PGBD5: variants seen among roughly 807,000 people sequenced by gnomAD.
PGBD5 encodes the protein piggyBac transposable element-derived protein 5.
In PGBD5, 14 loss-of-function variants were observed where a neutral mutation model predicts 47.9. That is an observed-to-expected ratio of 0.29 (90% CI 0.19 to 0.46). The LOEUF (loss-of-function observed/expected upper bound fraction) is 0.46, where lower values mean the gene tolerates loss of function less well. Among genes scored for constraint, PGBD5 ranks in the 20% least tolerant of loss-of-function variants. The pLI is 1.00. For synonymous variants in PGBD5, 316 were observed against 306.3 expected (o/e 1.03, Z -0.33); for missense variants, 635 against 716.0 (o/e 0.89, Z 1.29).
At chr1:230,406,791 T>C (rs1421418067) in intron 1 of PGBD5, among the ~76,000 whole-genome samples, 1 of 152,248 alleles carries the variant, frequency 6.6e-6, no homozygotes, top group African/African-American at 2.4e-5. Flanking sequence ...AACTCAACTA[T>C]ACCACGTTAA....
At position 230,314,731 on chromosome 1, in the gene PGBD5, T is replaced by A. The variant is rs1666911316; in HGVS notation, c.*8694A>T. ...AAGTGAAAATCTTCACAGAAGGGTATGCTTTGTGTCACCAAATGGGGGTGC... is the reference window on the plus strand; with the variant it reads ...AAGTGAAAATCTTCACAGAAGGGTAAGCTTTGTGTCACCAAATGGGGGTGC... On this transcript the variant is annotated 3_prime_UTR_variant, in exon 7 of 7. Coordinates refer to ENST00000391860, the MANE Select transcript of PGBD5 (RefSeq NM_001258311.2). 6.6e-6 allele frequency: 1 copy of A among 152,142 alleles called. No individual in the cohort carries two copies. Among genetic ancestry groups the A allele is most frequent in the South Asian group, 2.1e-4 (1 of 4,824 alleles). 9.4% of individuals were successfully genotyped at this position (152,142 alleles called of 1,614,324 possible).
chr1:230,372,789 G>C (rs934420237), intron 1 of PGBD5, among the ~76,000 whole-genome samples: 5 of 152,202 alleles, frequency 3.3e-5, no homozygotes, highest in African/African-American at 1.2e-4. Context: ...TGATGTGTGA[G>C]TCCCTTCAGA....
intron 1 of PGBD5, among the ~76,000 whole-genome samples, chr1:230,390,864 C>T (rs1656765332): frequency 6.6e-6 from 1 of 152,050 alleles, no homozygotes; most frequent in African/African-American, 2.4e-5. Flanking sequence ...CTCAGCCTCC[C>T]GAATAGCTAG....
chr1:230,368,785 G>A (rs903804673), intron 1 of PGBD5, among the ~76,000 whole-genome samples: 10 of 94,988 alleles, frequency 1.1e-4, no homozygotes, highest in Admixed American at 4.1e-4. Flanking sequence ...TGGTGAGGCC[G>A]GGGAAACGTG....
chr1:230,367,014 G>A (rs1383476664), intron 1 of PGBD5, among the ~76,000 whole-genome samples: 1 of 152,044 alleles, frequency 6.6e-6, no homozygotes, highest in Non-Finnish European at 1.5e-5. Context: ...GGAGGAAGGT[G>A]GGGGTGAGGA....
intron 3 of PGBD5, among the ~76,000 whole-genome samples, chr1:230,341,536 A>G (rs1351201241): frequency 6.6e-6 from 1 of 152,192 alleles, no homozygotes; most frequent in African/African-American, 2.4e-5. Context: ...AAACAGCAGA[A>G]TCACTGGGAA....
intron 1 of PGBD5, among the ~76,000 whole-genome samples, chr1:230,392,935 G>T (rs538546123): frequency 5.3e-5 from 8 of 151,930 alleles, no homozygotes; most frequent in African/African-American, 1.9e-4. Flanking sequence ...TGCAAGAGAA[G>T]AGGAACTGGA....
intron 1 of PGBD5, among the ~76,000 whole-genome samples, chr1:230,395,911 C>T (rs1571857587): frequency 2.2e-5 from 1 of 45,044 alleles, no homozygotes; most frequent in Non-Finnish European, 3.8e-5. Context: ...CTCCTCCCCT[C>T]CTCACGCTCC....
intron 1 of PGBD5, among the ~76,000 whole-genome samples, chr1:230,382,127 C>A (rs1656516539): frequency 6.6e-6 from 1 of 152,188 alleles, no homozygotes; most frequent in Non-Finnish European, 1.5e-5. Flanking sequence ...GTGGTTACTG[C>A]CTACTGCAGT....
intron 1 of PGBD5, among the ~76,000 whole-genome samples, chr1:230,410,234 C>T (rs879546488): frequency 6.6e-6 from 1 of 151,906 alleles, no homozygotes; most frequent in Non-Finnish European, 1.5e-5. Context: ...TATGTGTGCA[C>T]CAAATAATAC....
At chr1:230,370,190 C>T (rs772786428) in intron 1 of PGBD5, among the ~76,000 whole-genome samples, 4 of 152,052 alleles carry the variant, frequency 2.6e-5, no homozygotes, top group Admixed American at 1.3e-4. Context: ...GCAGTCAAGA[C>T]AGGGCAGGGC....
intron 1 of PGBD5, among the ~76,000 whole-genome samples, chr1:230,380,558 C>T (rs1656436353): frequency 6.6e-6 from 1 of 152,226 alleles, no homozygotes; most frequent in Non-Finnish European, 1.5e-5. Context: ...AGCAACAGCC[C>T]CTCACTCTTG....
intron 1 of PGBD5, among the ~76,000 whole-genome samples, chr1:230,416,030 T>TAGTA (rs1558215994): frequency 6.6e-6 from 1 of 152,220 alleles, no homozygotes; most frequent in Non-Finnish European, 1.5e-5. Context: ...CATCTGCATA[T>TAGTA]AGTAAGTGAT....
chr1:230,341,924 C>T (rs933208497), intron 3 of PGBD5, among the ~76,000 whole-genome samples: 1 of 152,146 alleles, frequency 6.6e-6, no homozygotes, highest in Non-Finnish European at 1.5e-5. Flanking sequence ...AGAAAGTAGG[C>T]ATGCAAGTTT....
At chr1:230,353,887 A>G (rs920856346) in intron 2 of PGBD5, among the ~76,000 whole-genome samples, 3 of 152,230 alleles carry the variant, frequency 2.0e-5, no homozygotes, top group Non-Finnish European at 1.5e-5. Flanking sequence ...CCAATCAAGC[A>G]TCAGGAGAAG....
At chr1:230,345,853 T>C (rs1247864794) in intron 3 of PGBD5, among the ~76,000 whole-genome samples, 1 of 152,162 alleles carries the variant, frequency 6.6e-6, no homozygotes. Flanking sequence ...TAAAGTAAAC[T>C]AGGCTAAACT....
chr1:230,388,793 G>A (rs574380083), intron 1 of PGBD5, among the ~76,000 whole-genome samples: 4 of 152,328 alleles, frequency 2.6e-5, no homozygotes, highest in African/African-American at 7.2e-5. Flanking sequence ...TGCAGGCCAC[G>A]TGTTTTACCT....
At chr1:230,367,239 C>A (rs1667849940) in intron 1 of PGBD5, among the ~76,000 whole-genome samples, 1 of 152,182 alleles carries the variant, frequency 6.6e-6, no homozygotes, top group Non-Finnish European at 1.5e-5. Flanking sequence ...GGCCTGCCTC[C>A]TCTTGTTCAC....
At position 230,351,060 on chromosome 1, in the gene PGBD5, A is replaced by C; in HGVS notation, c.792T>G (p.Pro264=). The C allele has an allele frequency of 6.2e-7, 1 of 1,613,848 alleles. No homozygotes were observed. Among genetic ancestry groups the C allele is most frequent in the Non-Finnish European group, 8.5e-7 (1 of 1,179,900 alleles). The change falls in exon 3 of 7, where the codon CCT becomes CCG. Residue 264 remains proline, a synonymous_variant. Transcript: ENST00000391860. ...VLHEPLIDED[P]VFIATCTERE... ...GCTCTGTGCACGTGGCAATGAATACAGGATCCTCATCGATCAGGGGTTCAT... is the reference window on the plus strand; with the variant it reads ...GCTCTGTGCACGTGGCAATGAATACCGGATCCTCATCGATCAGGGGTTCAT...
Sources: allele counts gnomAD v4.1 joint callset (sites outside exome capture counted in the v4.1 genomes callset), GRCh38; gene constraint gnomAD v4.1.1; transcripts MANE v1.5; gene names NCBI Gene and HGNC (gene_info 2026-07-23, HGNC 2026-07-21).